DOCK3: variants seen among roughly 807,000 people sequenced by gnomAD.
DOCK3 encodes dedicator of cytokinesis protein 3.
DOCK3 carries 60 observed loss-of-function variants against 265.6 expected under a neutral mutation model. The observed-to-expected ratio is 0.23, with a 90% CI of 0.18 to 0.28. DOCK3 has a LOEUF of 0.28. Ranked by LOEUF, DOCK3 falls within the 10% of genes least tolerant of loss-of-function variation. The pLI is 1.00. For synonymous variants in DOCK3, 881 were observed against 938.0 expected (o/e 0.94, Z 1.11); for missense variants, 1,981 against 2,594.3 (o/e 0.76, Z 5.14).
chr3:50,902,817 A>G (rs554295137), intron 4 of DOCK3, among the ~76,000 whole-genome samples: 16 of 152,186 alleles, frequency 1.1e-4, no homozygotes, highest in Non-Finnish European at 2.9e-5. Context: ...AGCGTGGCAT[A>G]TTGTTCCATT....
intron 13 of DOCK3, among the ~76,000 whole-genome samples, chr3:51,212,436 T>G (rs1203424083): frequency 2.6e-5 from 4 of 151,830 alleles, no homozygotes; most frequent in African/African-American, 7.3e-5. Context: ...CCACTGTTTT[T>G]TTTTTTTTTT....
At chr3:50,818,818 C>T (rs2044241768) in intron 2 of DOCK3, among the ~76,000 whole-genome samples, 1 of 152,044 alleles carries the variant, frequency 6.6e-6, no homozygotes, top group African/African-American at 2.4e-5. Flanking sequence ...GTCCTCAGAC[C>T]ATTGCATGAT....
intron 4 of DOCK3, among the ~76,000 whole-genome samples, chr3:50,904,633 A>G: frequency 6.6e-6 from 1 of 151,668 alleles, no homozygotes. Context: ...AAATTTGTAG[A>G]TTCTTTTTAA....
chr3:51,061,263 G>T (rs556296311), intron 5 of DOCK3, among the ~76,000 whole-genome samples: 1 of 152,100 alleles, frequency 6.6e-6, no homozygotes, highest in East Asian at 1.9e-4. Flanking sequence ...ACATACACAC[G>T]TGTGTTTATT....
chr3:51,250,101 C>G (rs1326919996), intron 22 of DOCK3, among the ~76,000 whole-genome samples: 1 of 151,638 alleles, frequency 6.6e-6, no homozygotes, highest in Non-Finnish European at 1.5e-5. Flanking sequence ...CATCACCACT[C>G]CCTAATCTCA....
chr3:51,354,268 C>G (rs1458039401), intron 40 of DOCK3, among the ~76,000 whole-genome samples: 3 of 150,474 alleles, frequency 2.0e-5, no homozygotes, highest in African/African-American at 7.4e-5. Context: ...GCAATCACTC[C>G]TTGGTAACAT....
chr3:50,860,318 A>T (rs372733818), intron 3 of DOCK3, among the ~76,000 whole-genome samples: 34 of 152,284 alleles, frequency 2.2e-4, no homozygotes, highest in African/African-American at 8.2e-4. Context: ...AGGCTTTCAG[A>T]TGCCCCTGGA....
At chr3:51,152,871 C>T (rs766636806) in intron 10 of DOCK3, among the ~76,000 whole-genome samples, 1 of 152,186 alleles carries the variant, frequency 6.6e-6, no homozygotes, top group Non-Finnish European at 1.5e-5. Flanking sequence ...CCTCTGGAGG[C>T]TTCATCTCAG....
intron 15 of DOCK3, among the ~76,000 whole-genome samples, chr3:51,226,461 T>A (rs2108360476): frequency 6.6e-6 from 1 of 152,364 alleles, no homozygotes; most frequent in Non-Finnish European, 1.5e-5. Flanking sequence ...AGAACAGGAA[T>A]GATCATTCCC....
At chr3:51,304,492 T>C (rs560783124) in intron 27 of DOCK3, among the ~76,000 whole-genome samples, 1 of 152,280 alleles carries the variant, frequency 6.6e-6, no homozygotes, top group East Asian at 1.9e-4. Flanking sequence ...GCTGCAGTGA[T>C]GGCTGCCAAC....
At chr3:50,974,580 T>C (rs1368502837) in intron 5 of DOCK3, among the ~76,000 whole-genome samples, 2 of 150,920 alleles carry the variant, frequency 1.3e-5, no homozygotes, top group African/African-American at 2.5e-5. Context: ...GTGTGATGTC[T>C]CCAGCTTTGT....
chr3:51,177,224 G>A (rs564327719), intron 12 of DOCK3, among the ~76,000 whole-genome samples: 1 of 152,220 alleles, frequency 6.6e-6, no homozygotes, highest in East Asian at 1.9e-4. Flanking sequence ...TTAATTTTTT[G>A]TTTAATCTGT....
intron 2 of DOCK3, among the ~76,000 whole-genome samples, chr3:50,792,751 C>T (rs79264818): frequency 0.094 from 14,369 of 152,154 alleles, 842 homozygotes; most frequent in Non-Finnish European, 0.12. Context: ...GATTTGCATA[C>T]GTTAGAGCAA....
At chr3:50,991,149 A>G (rs149355867) in intron 5 of DOCK3, among the ~76,000 whole-genome samples, 247 of 152,340 alleles carry the variant, frequency 1.6e-3, no homozygotes, top group African/African-American at 5.5e-3. Context: ...TAGCTAATAC[A>G]AAAACACACA....
At chr3:51,172,770 A>G (rs903090121) in intron 12 of DOCK3, among the ~76,000 whole-genome samples, 1 of 151,750 alleles carries the variant, frequency 6.6e-6, no homozygotes, top group African/African-American at 2.4e-5. Context: ...TTATACTGGT[A>G]TACTTTCATT....
intron 37 of DOCK3, 136 bp from the exon 38 acceptor site, chr3:51,341,101 A>G: frequency 1.9e-6 from 2 of 1,061,604 alleles, no homozygotes; most frequent in Non-Finnish European, 2.6e-6. Flanking sequence ...TTTCATCTTT[A>G]GTATCCAGTG....
At chr3:51,332,701 A>C (rs1417258563) in intron 33 of DOCK3, among the ~76,000 whole-genome samples, 6 of 152,144 alleles carry the variant, frequency 3.9e-5, no homozygotes, top group Non-Finnish European at 8.8e-5. Context: ...ATTTTGAAAA[A>C]CAGAGCTTGG....
At position 50,941,093 on chromosome 3, in the gene DOCK3, AT is replaced by A. The variant is rs1382676660; in HGVS notation, c.315+7021del. On this transcript the variant is annotated intron_variant, in intron 5 of 52. Coordinates refer to ENST00000266037, the MANE Select transcript of DOCK3 (RefSeq NM_004947.5). ...ACATTGGACTTCTATCAAAACCAAA[AT>A]TTTTGTTCTTGAATGACCCTGTTAA... Among the ~76,000 whole-genome samples the A allele has an allele frequency of 2.6e-5, 4 of 152,250 alleles. No homozygotes were observed. In the East Asian group the frequency reaches 7.7e-4, roughly 29 times the overall value.
chr3:50,811,518 CAT>C (rs1427202027), intron 2 of DOCK3, among the ~76,000 whole-genome samples: 2 of 152,166 alleles, frequency 1.3e-5, no homozygotes, highest in Non-Finnish European at 2.9e-5. Context: ...TGATTTTATA[CAT>C]ATCAGTTTGA....
Sources: gnomAD v4.1 joint callset for allele counts (sites outside exome capture counted in the v4.1 genomes callset) on GRCh38, gnomAD v4.1.1 for gene constraint, MANE v1.5 for transcripts, NCBI Gene and HGNC (gene_info 2026-07-23, HGNC 2026-07-21) for gene names.